Variants in GREM1 observed in about 807,000 individuals in gnomAD.
GREM1 encodes the protein gremlin-1.
Under a neutral mutation model 13.1 loss-of-function variants are expected in GREM1, and 6 were observed. The observed-to-expected ratio is 0.46, with a 90% CI of 0.25 to 0.91. GREM1 has a LOEUF of 0.91. Ranked by LOEUF, GREM1 falls within the 40% of genes least tolerant of loss-of-function variation. The pLI, the probability that GREM1 is intolerant of heterozygous loss-of-function variation, is 0.18. For synonymous variants in GREM1, 98 were observed against 93.7 expected (o/e 1.05, Z -0.27); for missense variants, 185 against 233.9 (o/e 0.79, Z 1.36).
chr15:32,742,012 G>A lies in GREM1; in HGVS notation c.*10767G>A, dbSNP rs540621329. 6.6e-6 allele frequency: 1 copy of A among 152,086 alleles called. No homozygotes were observed. Among genetic ancestry groups the A allele is most frequent in the East Asian group, 1.9e-4 (1 of 5,172 alleles). The allele number at this position is 152,086 out of a possible 1,614,324, so 9.4% of individuals were successfully genotyped here. ...TATCTTGAAGCATACTTGCATCCTA[G>A]GAATAAATCCCACTTTGTCATAGTC... is the stretch of plus-strand genomic sequence containing the variant. On this transcript the variant is annotated 3_prime_UTR_variant, in exon 2 of 2. Coordinates refer to ENST00000651154, the MANE Select transcript of GREM1 (RefSeq NM_013372.7).
At chr15:32,727,844 A>G (rs571591661) in intron 1 of GREM1, among the ~76,000 whole-genome samples, 50 of 152,324 alleles carry the variant, frequency 3.3e-4, no homozygotes, top group Non-Finnish European at 6.2e-4. Flanking sequence ...CTATACACCA[A>G]TAATAGACAA....
At chr15:32,720,466 A>G (rs1407328404) in intron 1 of GREM1, among the ~76,000 whole-genome samples, 3 of 152,180 alleles carry the variant, frequency 2.0e-5, no homozygotes, top group Admixed American at 1.3e-4. Flanking sequence ...ATGTTCCACA[A>G]CAGAGAGTAA....
Position 32,738,113 on chromosome 15 carries a change from A to ACCAAAC in GREM1, c.*6868_*6869insCCAAAC, listed in dbSNP as rs2055724123. 1 of 127,850 alleles carries ACCAAAC rather than the reference A, an allele frequency of 7.8e-6. No homozygotes were observed. The highest frequency in any genetic ancestry group is 1.6e-5 in the Non-Finnish European group (1 of 61,840). 7.9% of individuals were successfully genotyped at this position (127,850 alleles called of 1,614,324 possible). A position where few individuals can be genotyped will look rare whatever the true frequency, so the allele number is the denominator to read the frequency against. ...AAAAAAAAAAAAAAAAAAAAAAAAA[A>ACCAAAC]AAAAAAAAAAAAAAAAAAAAGAAAA... On this transcript the variant is annotated 3_prime_UTR_variant, in exon 2 of 2. Coordinates refer to ENST00000651154, the MANE Select transcript of GREM1 (RefSeq NM_013372.7).
Position 32,730,980 on chromosome 15 carries a change from A to G in GREM1, c.290A>G (p.Gln97Arg). Residue 97 changes from glutamine (Q) to arginine (R), a missense_variant, in exon 2 of 2, where the codon CAG becomes CGG. By Grantham distance (43) the Gln-to-Arg change is conservative. Transcript: ENST00000651154. The part of the protein sequence containing the change: ...KYLKRDWCKT[Q>R]PLKQTIHEEG... ...CTGAAGCGAGACTGGTGCAAAACCC[A>G]GCCGCTTAAGCAGACCATCCACGAG... 6 of 1,614,224 alleles carry G rather than the reference A, an allele frequency of 3.7e-6. No homozygotes were observed. The highest frequency in any genetic ancestry group is 4.2e-6 in the Non-Finnish European group (5 of 1,180,040).
At chr15:32,724,219 A>G (rs1358720182) in intron 1 of GREM1, among the ~76,000 whole-genome samples, 1 of 152,214 alleles carries the variant, frequency 6.6e-6, no homozygotes, top group Non-Finnish European at 1.5e-5. Flanking sequence ...ATAAAATTGC[A>G]TTTTTCGGAT....
At position 32,730,927 on chromosome 15, in the gene GREM1, G is replaced by C. The variant is rs1236578712; in HGVS notation, c.237G>C (p.Glu79Asp). 2 of 1,613,924 alleles carry C rather than the reference G, an allele frequency of 1.2e-6. No homozygotes were observed. Among genetic ancestry groups the C allele is most frequent in the African/African-American group, 2.7e-5 (2 of 74,916 alleles). Residue 79 changes from glutamate to aspartate, a missense_variant, in exon 2 of 2, where the codon GAG becomes GAC. By Grantham distance (45) the Glu-to-Asp change is conservative. Transcript: ENST00000651154. ...PGEEVLESSQ[E>D]ALHVTERKYL... The stretch of plus-strand genomic sequence containing the variant: ...AGGAGGTGCTGGAGTCCAGCCAAGA[G>C]GCCCTGCATGTGACGGAGCGCAAAT...
chr15:32,731,838 G>T lies in GREM1; in HGVS notation c.*593G>T. ...ATGCAAATGTTTTTCATTTTGTGAA[G>T]ACCCTCCAGACTCTGGGAGAGGCTG... is the stretch of plus-strand genomic sequence containing the variant. On this transcript the variant is annotated 3_prime_UTR_variant, in exon 2 of 2. Coordinates refer to ENST00000651154, the MANE Select transcript of GREM1 (RefSeq NM_013372.7). 4.3e-6 allele frequency: 1 copy of T among 230,720 alleles called. No homozygotes were observed. Among genetic ancestry groups the T allele is most frequent in the Non-Finnish European group, 9.3e-6 (1 of 107,496 alleles). The allele number at this position is 230,720 out of a possible 1,614,324, so 14.3% of individuals were successfully genotyped here. A position where few individuals can be genotyped will look rare whatever the true frequency, so the allele number is the denominator to read the frequency against.
chr15:32,735,708 T>C lies in GREM1; in HGVS notation c.*4463T>C, dbSNP rs144863214. On this transcript the variant is annotated 3_prime_UTR_variant, in exon 2 of 2. Coordinates refer to ENST00000651154, the MANE Select transcript of GREM1 (RefSeq NM_013372.7). ...AGTGTTCTCAGAAAAGCCACACCCA[T>C]TAGAAAAATACAAGGCCTGAAAGGT... 172 of 150,202 alleles carry C rather than the reference T, an allele frequency of 1.1e-3. No individual in the cohort carries two copies. The highest frequency in any genetic ancestry group is 4.1e-3 in the African/African-American group (167 of 40,750). The allele number at this position is 150,202 out of a possible 1,614,324, so 9.3% of individuals were successfully genotyped here. A position where few individuals can be genotyped will look rare whatever the true frequency, so the allele number is the denominator to read the frequency against.
rs893073589 is a variant in GREM1, at chr15:32,732,601, C to T, written c.*1356C>T. 25 of 245,348 alleles carry T rather than the reference C, an allele frequency of 1.0e-4. No homozygotes were observed. The highest frequency in any genetic ancestry group is 4.9e-4 in the African/African-American group (22 of 45,200). 15.2% of individuals were successfully genotyped at this position (245,348 alleles called of 1,614,324 possible). A position where few individuals can be genotyped will look rare whatever the true frequency, so the allele number is the denominator to read the frequency against. ...TATGACCTCCCTTTCTTTATGTGCTCACTGAGGATCTGAGGGGACCCTGTT... is the reference window on the plus strand; with the variant it reads ...TATGACCTCCCTTTCTTTATGTGCTTACTGAGGATCTGAGGGGACCCTGTT... On this transcript the variant is annotated 3_prime_UTR_variant, in exon 2 of 2. Coordinates refer to ENST00000651154, the MANE Select transcript of GREM1 (RefSeq NM_013372.7).
Position 32,732,664 on chromosome 15 carries a change from T to G in GREM1, c.*1419T>G, listed in dbSNP as rs531354352. ...CATCATGATGTATTAGCTGTTCATC[T>G]GCTACTGGTTGGATGGACATAACTA... On this transcript the variant is annotated 3_prime_UTR_variant, in exon 2 of 2. Transcript: ENST00000651154. 2.1e-5 allele frequency: 5 copies of G among 241,932 alleles called. No homozygotes were observed. The highest frequency in any genetic ancestry group is 1.1e-4 in the African/African-American group (5 of 45,122). 15.0% of individuals were successfully genotyped at this position (241,932 alleles called of 1,614,324 possible).
Position 32,742,601 on chromosome 15 carries a change from A to G in GREM1, c.*11356A>G, listed in dbSNP as rs1456948680. The G allele has an allele frequency of 6.6e-6, 1 of 152,266 alleles. No homozygotes were observed. Among genetic ancestry groups the G allele is most frequent in the African/African-American group, 2.4e-5 (1 of 41,470 alleles). The allele number at this position is 152,266 out of a possible 1,614,324, so 9.4% of individuals were successfully genotyped here. A position where few individuals can be genotyped will look rare whatever the true frequency, so the allele number is the denominator to read the frequency against. On this transcript the variant is annotated 3_prime_UTR_variant, in exon 2 of 2. Coordinates refer to ENST00000651154, the MANE Select transcript of GREM1 (RefSeq NM_013372.7). ...GAAAAAGAAGAACAAAGCTGGAGGC[A>G]TTATACTTCCTGATTTCAAAATATC...
Position 32,731,385 on chromosome 15 carries a change from C to A in GREM1, c.*140C>A. 1 of 664,386 alleles carries A rather than the reference C, an allele frequency of 1.5e-6. No homozygotes were observed. Among genetic ancestry groups the A allele is most frequent in the Non-Finnish European group, 2.6e-6 (1 of 380,004 alleles). The allele number at this position is 664,386 out of a possible 1,614,324, so 41.2% of individuals were successfully genotyped here. A position where few individuals can be genotyped will look rare whatever the true frequency, so the allele number is the denominator to read the frequency against. On this transcript the variant is annotated 3_prime_UTR_variant, in exon 2 of 2. Coordinates refer to ENST00000651154, the MANE Select transcript of GREM1 (RefSeq NM_013372.7). Reference sequence around the variant, plus strand: ...GCCTCCTGGCAGGAGCCTGCTTGTGCGTAGTTCGTGTGCATGAGTGTGGAT... The same window carrying A: ...GCCTCCTGGCAGGAGCCTGCTTGTGAGTAGTTCGTGTGCATGAGTGTGGAT...
chr15:32,738,125 A>AAAAAAAAAAAAAAAACAAAAAAAAAC lies in GREM1; in HGVS notation c.*6888_*6889insAAAAAAACAAAAAAAAACAAAAAAAA. On this transcript the variant is annotated 3_prime_UTR_variant, in exon 2 of 2. Transcript: ENST00000651154. The stretch of plus-strand genomic sequence containing the variant: ...AAAAAAAAAAAAAAAAAAAAAAAAA[A>AAAAAAAAAAAAAAAACAAAAAAAAAC]AAAAAAAAGAAAAGAAAAAAGTCAT... The AAAAAAAAAAAAAAAACAAAAAAAAAC allele has an allele frequency of 2.5e-4, 7 of 27,986 alleles. No individual in the cohort carries two copies. Among genetic ancestry groups the AAAAAAAAAAAAAAAACAAAAAAAAAC allele is most frequent in the Non-Finnish European group, 3.7e-4 (6 of 16,082 alleles). 1.7% of individuals were successfully genotyped at this position (27,986 alleles called of 1,614,324 possible).
chr15:32,731,874 G>C lies in GREM1; in HGVS notation c.*629G>C, dbSNP rs939570972. ...CTCTGGGAGAGGCTGGTGTGGGCAA[G>C]GACAAGCAGGATAGTGGAGTGAGAA... On this transcript the variant is annotated 3_prime_UTR_variant, in exon 2 of 2. Coordinates refer to ENST00000651154, the MANE Select transcript of GREM1 (RefSeq NM_013372.7). The C allele has an allele frequency of 1.3e-5, 3 of 231,684 alleles. No homozygotes were observed. Among genetic ancestry groups the C allele is most frequent in the African/African-American group, 6.8e-5 (3 of 44,350 alleles). 14.4% of individuals were successfully genotyped at this position (231,684 alleles called of 1,614,324 possible). A position where few individuals can be genotyped will look rare whatever the true frequency, so the allele number is the denominator to read the frequency against.
At chr15:32,723,050 G>A (rs905126629) in intron 1 of GREM1, among the ~76,000 whole-genome samples, 5 of 152,186 alleles carry the variant, frequency 3.3e-5, no homozygotes, top group African/African-American at 1.2e-4. Context: ...TTACCATAAA[G>A]TGTTTGCAGC....
chr15:32,727,199 C>G (rs1383359036), intron 1 of GREM1, among the ~76,000 whole-genome samples: 1 of 135,268 alleles, frequency 7.4e-6, no homozygotes, highest in African/African-American at 2.8e-5. Context: ...GGCAGAGACA[C>G]AACATAAAAA....
At chr15:32,726,329 G>A (rs1335425958) in intron 1 of GREM1, among the ~76,000 whole-genome samples, 1 of 152,034 alleles carries the variant, frequency 6.6e-6, no homozygotes, top group African/African-American at 2.4e-5. Context: ...TTAGAACTCA[G>A]GATTAAGAAA....
rs2055730556 is a variant in GREM1 at position 32,738,248 on chromosome 15, T to C, written c.*7003T>C. The C allele has an allele frequency of 6.6e-6, 1 of 151,786 alleles. No homozygotes were observed. 9.4% of individuals were successfully genotyped at this position (151,786 alleles called of 1,614,324 possible). The stretch of plus-strand genomic sequence containing the variant: ...TTTACAAAAGAACTATTAGAGCTAA[T>C]ACATGATTTCAGCAAGGTTGCAGGA... On this transcript the variant is annotated 3_prime_UTR_variant, in exon 2 of 2. Transcript: ENST00000651154.
intron 1 of GREM1, among the ~76,000 whole-genome samples, chr15:32,720,775 T>A (rs1230783030): frequency 6.6e-6 from 1 of 152,186 alleles, no homozygotes; most frequent in East Asian, 1.9e-4. Flanking sequence ...AGAAAACATA[T>A]CCATTGACCC....
Sources: allele counts gnomAD v4.1 joint callset (sites outside exome capture counted in the v4.1 genomes callset), GRCh38; gene constraint gnomAD v4.1.1; transcripts MANE v1.5; gene names NCBI Gene and HGNC (gene_info 2026-07-23, HGNC 2026-07-21).